The following CD226 variants were observed in gnomAD, a reference collection of about 807,000 sequenced individuals.
The protein encoded by CD226 is CD226 antigen.
Under a neutral mutation model 34.9 loss-of-function variants are expected in CD226, and 24 were observed. The ratio of observed to expected loss-of-function variants is 0.69; its 90% CI spans 0.50 to 0.97. The LOEUF (loss-of-function observed/expected upper bound fraction) is 0.97. Among genes scored for constraint, CD226 ranks in the 50% least tolerant of loss-of-function variants. CD226 has a pLI of 0.00. For missense variants in CD226, 397 were observed against 412.7 expected (o/e 0.96, Z 0.33); for synonymous variants, 148 against 147.4 (o/e 1.00, Z -0.03).
intron 2 of CD226, among the ~76,000 whole-genome samples, chr18:69,940,263 CCT>C (rs1457628355): frequency 6.6e-6 from 1 of 152,156 alleles, no homozygotes; most frequent in African/African-American, 2.4e-5. Flanking sequence ...TATAAATTAC[CCT>C]GTCTCAGGTA....
At chr18:69,920,448 C>T (rs977123621) in intron 2 of CD226, among the ~76,000 whole-genome samples, 6 of 152,162 alleles carry the variant, frequency 3.9e-5, no homozygotes, top group African/African-American at 1.2e-4. Flanking sequence ...TATTGCCTCA[C>T]CAATGCATTC....
At chr18:69,892,436 C>T (rs889725771) in intron 3 of CD226, among the ~76,000 whole-genome samples, 1 of 152,194 alleles carries the variant, frequency 6.6e-6, no homozygotes, top group Non-Finnish European at 1.5e-5. Flanking sequence ...TTCCCCTGTG[C>T]TCCCCCCGTC....
At chr18:69,935,577 C>T (rs949274750) in intron 2 of CD226, among the ~76,000 whole-genome samples, 1 of 152,200 alleles carries the variant, frequency 6.6e-6, no homozygotes, top group Non-Finnish European at 1.5e-5. Flanking sequence ...ACCACCAACA[C>T]CCATTCTGAA....
Position 69,907,201 on chromosome 18 carries a change from G to A in CD226, c.383-11156C>T, listed in dbSNP as rs1039181573. ...TTTTCACATTTATCCTCTTCTCAGG[G>A]ACTGCTTCTGGTGAATGCAATCTAA... On this transcript the variant is annotated intron_variant, in intron 2 of 5. Coordinates refer to ENST00000582621, the MANE Select transcript of CD226 (RefSeq NM_001303618.2). 1.9e-4 allele frequency among the ~76,000 whole-genome samples: 29 copies of A among 152,184 alleles called. 1 individual carries two copies. Among genetic ancestry groups the A allele is most frequent in the Non-Finnish European group, 1.5e-5 (1 of 68,046 alleles).
chr18:69,945,436 C>CA (rs780320308), intron 2 of CD226, among the ~76,000 whole-genome samples: 6 of 152,192 alleles, frequency 3.9e-5, no homozygotes, highest in Non-Finnish European at 8.8e-5. Context: ...ACTAGAAAGA[C>CA]AAAACCACAA....
At chr18:69,915,510 G>T (rs1184367483) in intron 2 of CD226, among the ~76,000 whole-genome samples, 2 of 152,166 alleles carry the variant, frequency 1.3e-5, no homozygotes, top group Admixed American at 6.5e-5. Flanking sequence ...AGGTCAGAAA[G>T]AACTTAGATA....
intron 3 of CD226, among the ~76,000 whole-genome samples, chr18:69,885,733 A>T (rs544150205): frequency 6.6e-6 from 1 of 152,196 alleles, no homozygotes; most frequent in South Asian, 2.1e-4. Context: ...CCTCCCCTCC[A>T]GGCCTTCACA....
rs867275339 is a variant in CD226, at chr18:69,946,202, A to G, written c.382+532T>C. Among the ~76,000 whole-genome samples the G allele has an allele frequency of 5.4e-3, 810 of 149,928 alleles. 12 individuals are homozygous for G. Among genetic ancestry groups the G allele is most frequent in the African/African-American group, 0.018 (750 of 40,754 alleles). ...CATCAAAAAAAAAAAAAAAAAAAAA[A>G]AAAAAAGAAGGAAGAAGAAAGAAAG... On this transcript the variant is annotated intron_variant, in intron 2 of 5. Transcript: ENST00000582621.
rs894788922 is a variant in CD226 at position 69,937,016 on chromosome 18, G to A, written c.382+9718C>T. On this transcript the variant is annotated intron_variant, in intron 2 of 5. Transcript: ENST00000582621. ...TAATAGATATGATAGTGTCATTTTC[G>A]TATGTTTTCTTCCTTCCTTCTGAAT... 6.6e-5 allele frequency among the ~76,000 whole-genome samples: 10 copies of A among 152,106 alleles called. No homozygotes were observed. The East Asian group carries it at 1.7e-3, about 26-fold the overall frequency.
chr18:69,910,616 A>T lies in CD226; in HGVS notation c.383-14571T>A, dbSNP rs563989781. Among the ~76,000 whole-genome samples, 95 of 152,334 alleles carry T rather than the reference A, an allele frequency of 6.2e-4. 1 individual carries two copies. In the South Asian group the frequency reaches 0.02, roughly 32 times the overall value. On this transcript the variant is annotated intron_variant, in intron 2 of 5. Transcript: ENST00000582621. ...GTGGAGGAGACCCTGGAAAGGAAAG[A>T]GGACAAAACATAATCACTTTGGATC...
At chr18:69,949,344 A>G (rs116174714), upstream of CD226, among the ~76,000 whole-genome samples, 525 of 152,310 alleles carry the variant, frequency 3.4e-3, 4 homozygotes, top group African/African-American at 0.012. Context: ...CACTGTACAG[A>G]ACAAACTGGA....
At chr18:69,887,679 G>A (rs1984641241) in intron 3 of CD226, among the ~76,000 whole-genome samples, 1 of 152,080 alleles carries the variant, frequency 6.6e-6, no homozygotes, top group Non-Finnish European at 1.5e-5. Flanking sequence ...TGATACTTGT[G>A]AAAGACTCTC....
rs115817832 is a variant in CD226 at position 69,903,138 on chromosome 18, A to G, written c.383-7093T>C. The stretch of plus-strand genomic sequence containing the variant: ...CATAGGGCATGCAGTGTGGGAGGAC[A>G]TACTGAGGACAGAAGGAGAAACACA... On this transcript the variant is annotated intron_variant, in intron 2 of 5. Coordinates refer to ENST00000582621, the MANE Select transcript of CD226 (RefSeq NM_001303618.2). Among the ~76,000 whole-genome samples the G allele has an allele frequency of 3.3e-3, 501 of 152,350 alleles. 5 individuals are homozygous for G. Among genetic ancestry groups the G allele is most frequent in the African/African-American group, 0.011 (468 of 41,588 alleles).
At chr18:69,956,726 CCA>C (rs1336223810) in intron 1 of CD226, 1 of 152,232 alleles carries the variant, frequency 6.6e-6, no homozygotes, top group African/African-American at 2.4e-5. Context: ...TCAGACACAT[CCA>C]GTCTTTTTTC....
chr18:69,879,733 A>G (rs1316580109), intron 3 of CD226, among the ~76,000 whole-genome samples: 2 of 152,250 alleles, frequency 1.3e-5, no homozygotes, highest in Non-Finnish European at 2.9e-5. Context: ...GGAAATCACA[A>G]GAGTATTGAC....
At chr18:69,892,432 T>C (rs1043923384) in intron 3 of CD226, among the ~76,000 whole-genome samples, 25 of 152,318 alleles carry the variant, frequency 1.6e-4, no homozygotes, top group Non-Finnish European at 2.6e-4. Flanking sequence ...GACATTCCCC[T>C]GTGCTCCCCC....
intron 4 of CD226, 145 bp downstream of exon 4, chr18:69,872,999 C>A: frequency 1.7e-6 from 1 of 591,724 alleles, no homozygotes; most frequent in Non-Finnish European, 3.1e-6. Flanking sequence ...TGTAACATTA[C>A]CACAGCTACT....
At chr18:69,938,257 C>A (rs1431744562) in intron 2 of CD226, among the ~76,000 whole-genome samples, 1 of 152,186 alleles carries the variant, frequency 6.6e-6, no homozygotes, top group African/African-American at 2.4e-5. Context: ...GTCTTCTGCT[C>A]TCACATCAAT....
intron 3 of CD226, among the ~76,000 whole-genome samples, chr18:69,885,082 T>C (rs1226899389): frequency 6.6e-6 from 1 of 152,202 alleles, no homozygotes; most frequent in East Asian, 1.9e-4. Flanking sequence ...CAGGTATAAC[T>C]CTACATTACA....
Sources: allele counts gnomAD v4.1 joint callset (sites outside exome capture counted in the v4.1 genomes callset), GRCh38; gene constraint gnomAD v4.1.1; transcripts MANE v1.5; gene names NCBI Gene and HGNC (gene_info 2026-07-23, HGNC 2026-07-21).